The following CFAP20DC variants were observed in gnomAD, a reference collection of about 807,000 sequenced individuals.
The protein encoded by CFAP20DC is CFAP20 domain containing.
CFAP20DC carries 84 observed loss-of-function variants against 101.7 expected under a neutral mutation model. The ratio of observed to expected loss-of-function variants is 0.83; its 90% confidence interval spans 0.69 to 0.99. The LOEUF (loss-of-function observed/expected upper bound fraction) is 0.99, where lower values mean the gene tolerates loss of function less well. Ranked by LOEUF, CFAP20DC falls within the 50% of genes least tolerant of loss-of-function variation. The probability of loss-of-function intolerance (pLI) is 0.00; values close to 1 mark genes in which losing one functional copy is unlikely to be tolerated. For missense variants in CFAP20DC, 1,007 were observed against 970.3 expected, an observed-to-expected ratio of 1.04 and a Z score of -0.50; for synonymous variants, 359 against 351.2, an observed-to-expected ratio of 1.02 and a Z score of -0.25.
intron 4 of CFAP20DC, among the ~76,000 whole-genome samples, chr3:58,976,123 G>C (rs2092263836): frequency 6.6e-6 from 1 of 152,096 alleles, no homozygotes; most frequent in African/African-American, 2.4e-5. Flanking sequence ...TATTTTTAAA[G>C]GCAGCTGCAT....
chr3:58,931,275 G>C (rs985362903), intron 5 of CFAP20DC, among the ~76,000 whole-genome samples: 3 of 152,164 alleles, frequency 2.0e-5, no homozygotes, highest in Non-Finnish European at 4.4e-5. Context: ...CAGGAAGCTC[G>C]AACTGGGTGG....
At chr3:58,960,938 G>C (rs1576495083) in intron 4 of CFAP20DC, among the ~76,000 whole-genome samples, 1 of 152,246 alleles carries the variant, frequency 6.6e-6, no homozygotes, top group Non-Finnish European at 1.5e-5. Context: ...TTTGTGGAAA[G>C]TTTTCATCAG....
chr3:58,806,400 A>G lies in CFAP20DC; in HGVS notation c.2232T>C (p.Asn744=), dbSNP rs764390074. The G allele has an allele frequency of 2.5e-6, 4 of 1,592,354 alleles. No homozygotes were observed. Among genetic ancestry groups the G allele is most frequent in the South Asian group, 1.1e-5 (1 of 90,598 alleles). The part of the protein sequence containing the change: ...QKEMNPPSPS[N]PRDWLNMLSP... ...AGATTATTAATGATTCTTACCGGGG[A>G]TTAGAAGGAGAAGGTGGGTTCATTT... Residue 744 remains asparagine (N), a synonymous_variant, in exon 15 of 17, where the codon AAT becomes AAC. Transcript: ENST00000482387.
chr3:58,831,986 A>C (rs1267614381), intron 13 of CFAP20DC, 97 bp from the exon 14 acceptor site: 2 of 998,860 alleles, frequency 2.0e-6, no homozygotes, highest in Non-Finnish European at 3.1e-6. Flanking sequence ...AGCTCCCCCA[A>C]CTGACAGAGG....
intron 15 of CFAP20DC, among the ~76,000 whole-genome samples, chr3:58,766,796 G>T (rs1407925344): frequency 6.6e-6 from 1 of 152,124 alleles, no homozygotes; most frequent in African/African-American, 2.4e-5. Context: ...CTTTGCCCAG[G>T]CTGTGCCCCC....
At chr3:58,944,890 G>A (rs1205350915) in intron 4 of CFAP20DC, among the ~76,000 whole-genome samples, 1 of 151,932 alleles carries the variant, frequency 6.6e-6, no homozygotes, top group African/African-American at 2.4e-5. Context: ...GTTAATTCGT[G>A]TAAAGAAAAA....
chr3:58,975,205 CTTAAT>C (rs2092206216), intron 4 of CFAP20DC, among the ~76,000 whole-genome samples: 1 of 152,040 alleles, frequency 6.6e-6, no homozygotes, highest in South Asian at 2.1e-4. Flanking sequence ...TTCTTCAGAT[CTTAAT>C]TTAAATATTC....
intron 15 of CFAP20DC, among the ~76,000 whole-genome samples, chr3:58,772,061 T>C (rs977355640): frequency 4.6e-5 from 7 of 152,206 alleles, no homozygotes; most frequent in Non-Finnish European, 1.5e-5. Flanking sequence ...GCAGAGAAAG[T>C]CTTTCCTCCC....
chr3:58,801,203 T>C (rs2073676348), intron 15 of CFAP20DC, among the ~76,000 whole-genome samples: 1 of 152,096 alleles, frequency 6.6e-6, no homozygotes, highest in Non-Finnish European at 1.5e-5. Context: ...AAAGAGCAGG[T>C]GTGAAATCTG....
chr3:58,929,517 C>A (rs932147206), intron 5 of CFAP20DC, among the ~76,000 whole-genome samples: 1 of 152,078 alleles, frequency 6.6e-6, no homozygotes, highest in African/African-American at 2.4e-5. Context: ...AGGCATTTCC[C>A]TAAATGTCTT....
intron 3 of CFAP20DC, among the ~76,000 whole-genome samples, chr3:58,736,629 C>T (rs72879799): frequency 0.02 from 3,040 of 152,168 alleles, 76 homozygotes; most frequent in African/African-American, 0.068. Flanking sequence ...TGGAAGTATC[C>T]GCTACAGCAC....
chr3:58,846,679 G>T (rs946005692), intron 13 of CFAP20DC, among the ~76,000 whole-genome samples: 9 of 151,670 alleles, frequency 5.9e-5, no homozygotes, highest in Admixed American at 3.9e-4. Context: ...AAGTTTATAT[G>T]GAACCAAAAA....
At chr3:58,909,277 T>C (rs993754023) in intron 6 of CFAP20DC, among the ~76,000 whole-genome samples, 4 of 152,162 alleles carry the variant, frequency 2.6e-5, no homozygotes, top group African/African-American at 9.7e-5. Context: ...GAAAACTCTA[T>C]ACTGTCCGCT....
At chr3:58,804,006 C>T (rs1000821773) in intron 15 of CFAP20DC, among the ~76,000 whole-genome samples, 1 of 152,088 alleles carries the variant, frequency 6.6e-6, no homozygotes, top group Non-Finnish European at 1.5e-5. Flanking sequence ...ATTCAATTAT[C>T]TAGCCAATAT....
Position 58,868,147 on chromosome 3 carries a change from C to T in CFAP20DC, c.1016-211G>A, listed in dbSNP as rs962064845. On this transcript the variant is annotated intron_variant, in intron 9 of 16. Transcript: ENST00000482387. The surrounding 1 kb of genome is among the most constrained non-coding windows in gnomAD (Gnocchi z 4.6). ...TATCAGGCTTTCAAAATTACTGAAACACTTTATTCATGTAATATAACCTTA... is the reference window on the plus strand; with the variant it reads ...TATCAGGCTTTCAAAATTACTGAAATACTTTATTCATGTAATATAACCTTA... 1.3e-5 allele frequency among the ~76,000 whole-genome samples: 2 copies of T among 152,128 alleles called. No homozygotes were observed. The highest frequency in any genetic ancestry group is 4.8e-5 in the African/African-American group (2 of 41,420).
chr3:58,814,373 A>G (rs1053330059), intron 14 of CFAP20DC, among the ~76,000 whole-genome samples: 2 of 151,764 alleles, frequency 1.3e-5, no homozygotes, highest in Admixed American at 6.6e-5. Context: ...AATAAGAGCT[A>G]TCTATGACAA....
At chr3:58,870,606 G>A (rs1337976320) in intron 7 of CFAP20DC, among the ~76,000 whole-genome samples, 6 of 151,254 alleles carry the variant, frequency 4.0e-5, no homozygotes, top group Admixed American at 3.9e-4. Flanking sequence ...AAAAAAGAAA[G>A]GGCCGGGCGC....
In CFAP20DC at chr3:58,742,117, G is replaced by T; in HGVS notation, c.*343C>A. ...TCTGTACATCAAGCCATCATTTACAGATTAACACTGCAAAAAATTTGAATG... is the reference window on the plus strand; with the variant it reads ...TCTGTACATCAAGCCATCATTTACATATTAACACTGCAAAAAATTTGAATG... On this transcript the variant is annotated 3_prime_UTR_variant, in exon 17 of 17. Transcript: ENST00000482387. The T allele has an allele frequency of 1.1e-6, 1 of 945,098 alleles. No individual in the cohort carries two copies. The highest frequency in any genetic ancestry group is 1.3e-6 in the Non-Finnish European group (1 of 792,160). The allele number at this position is 945,098 out of a possible 1,614,324, so 58.5% of individuals were successfully genotyped here.
intron 14 of CFAP20DC, among the ~76,000 whole-genome samples, chr3:58,822,118 G>A (rs1213817791): frequency 2.4e-5 from 3 of 126,876 alleles, no homozygotes; most frequent in African/African-American, 3.1e-5. Context: ...ACACAGGAAG[G>A]GGAATATCAT....
Sources: allele counts gnomAD v4.1 joint callset (sites outside exome capture counted in the v4.1 genomes callset), GRCh38; gene constraint gnomAD v4.1.1; non-coding constraint Gnocchi (gnomAD v3.1); transcripts MANE v1.5; gene names NCBI Gene and HGNC (gene_info 2026-07-23, HGNC 2026-07-21).